SCN10A: variants seen among roughly 807,000 people sequenced by gnomAD.
The protein encoded by SCN10A is sodium voltage-gated channel alpha subunit 10.
In SCN10A, 162 loss-of-function variants were observed where a neutral mutation model predicts 170.7. The observed-to-expected ratio is 0.95, with a 90% CI of 0.84 to 1.08. SCN10A has a LOEUF of 1.08. Among genes scored for constraint, SCN10A ranks in the 50% least tolerant of loss-of-function variants. The pLI is 0.00. For synonymous variants in SCN10A, 985 were observed against 904.6 expected (o/e 1.09, Z -1.59); for missense variants, 2,527 against 2,436.9 (o/e 1.04, Z -0.78).
chr3:38,733,614 C>T (rs2063531671), intron 15 of SCN10A, among the ~76,000 whole-genome samples: 1 of 152,158 alleles, frequency 6.6e-6, no homozygotes. Context: ...CTCCTGGGCT[C>T]AAGTCATCCT....
intron 15 of SCN10A, among the ~76,000 whole-genome samples, chr3:38,730,402 T>C (rs1039743247): frequency 5.3e-5 from 8 of 152,218 alleles, no homozygotes; most frequent in Admixed American, 2.6e-4. Context: ...CAAATACCTC[T>C]GGAGGAACCT....
At chr3:38,722,550 G>A in intron 19 of SCN10A, 138 bp from the exon 20 acceptor site, 2 of 910,244 alleles carry the variant, frequency 2.2e-6, no homozygotes, top group Non-Finnish European at 3.4e-6. Flanking sequence ...TGGAATATGG[G>A]TGAAGAGGGG....
intron 1 of SCN10A, among the ~76,000 whole-genome samples, chr3:38,798,054 A>G (rs534308284): frequency 1.2e-3 from 177 of 152,278 alleles, no homozygotes; most frequent in Non-Finnish European, 2.0e-3. Context: ...CTATATTCCC[A>G]TCTATTACCC....
At chr3:38,800,099 T>A (rs575769682) in intron 1 of SCN10A, among the ~76,000 whole-genome samples, 2 of 152,254 alleles carry the variant, frequency 1.3e-5, no homozygotes, top group South Asian at 4.2e-4. Flanking sequence ...CACAGATGGG[T>A]AAAGCAGTAT....
chr3:38,760,901 G>C (rs1351376754), intron 7 of SCN10A, among the ~76,000 whole-genome samples, 154 bp from the exon 8 acceptor site: 1 of 152,184 alleles, frequency 6.6e-6, no homozygotes, highest in African/African-American at 2.4e-5. Context: ...AAGTTGTAAA[G>C]TCACATCTGA....
chr3:38,719,640 G>A (rs576102011), intron 20 of SCN10A, among the ~76,000 whole-genome samples: 81 of 152,096 alleles, frequency 5.3e-4, no homozygotes, highest in African/African-American at 1.8e-3. Context: ...TGATCCGCCC[G>A]CCTCAGCCTC....
chr3:38,719,709 G>A (rs2063370519), intron 20 of SCN10A, among the ~76,000 whole-genome samples: 2 of 152,232 alleles, frequency 1.3e-5, no homozygotes, highest in South Asian at 4.2e-4. Flanking sequence ...ACAAGTGACT[G>A]GCAGGAGTGA....
At chr3:38,797,540 T>C (rs1335100214) in intron 1 of SCN10A, among the ~76,000 whole-genome samples, 1 of 152,238 alleles carries the variant, frequency 6.6e-6, no homozygotes, top group Non-Finnish European at 1.5e-5. Context: ...GTTCTATGTG[T>C]TGTGTGCCCA....
chr3:38,746,196 A>C (rs1404184744), intron 13 of SCN10A, among the ~76,000 whole-genome samples: 1 of 149,976 alleles, frequency 6.7e-6, no homozygotes, highest in African/African-American at 2.5e-5. Flanking sequence ...CCTGAAACCC[A>C]ATATATCCCA....
chr3:38,788,809 C>A (rs978582357), intron 4 of SCN10A, 147 bp downstream of exon 4: 1 of 580,964 alleles, frequency 1.7e-6, no homozygotes, highest in South Asian at 2.5e-5. Context: ...GAAGGAGAGA[C>A]CTGGTTATTA....
rs547679346 is a variant in SCN10A at position 38,718,884 on chromosome 3, C to CA, written c.3508-59dup. On this transcript the variant is annotated intron_variant, in intron 20 of 27. Coordinates refer to ENST00000449082, the MANE Select transcript of SCN10A (RefSeq NM_006514.4). ...TGCCTGGACCCACAGCACTGGGGCC[C>CA]AGACTGATAGGGAAGGACCCAGCCA... 9.0e-4 allele frequency: 1,388 copies of CA among 1,549,114 alleles called. 9 individuals are homozygous for CA. The highest frequency in any genetic ancestry group is 6.1e-3 in the South Asian group (514 of 84,896).
At chr3:38,719,899 T>C (rs1208108979) in intron 20 of SCN10A, among the ~76,000 whole-genome samples, 1 of 152,220 alleles carries the variant, frequency 6.6e-6, no homozygotes, top group Admixed American at 6.5e-5. Flanking sequence ...CGGCTGCTAA[T>C]AGTTCATGGA....
chr3:38,702,379 T>C (rs980448929), intron 26 of SCN10A, among the ~76,000 whole-genome samples: 4 of 152,324 alleles, frequency 2.6e-5, no homozygotes, highest in Middle Eastern at 3.4e-3. Flanking sequence ...TGCCCTCCTA[T>C]CTCCTCTCTT....
rs576503650 is a variant in SCN10A, at chr3:38,742,371, C to T, written c.2026G>A (p.Val676Met). The change falls in exon 14 of 28, where the codon GTG (valine) becomes ATG (methionine). Residue 676 changes from valine to methionine, a missense_variant. Coordinates refer to ENST00000449082, the MANE Select transcript of SCN10A (RefSeq NM_006514.4). The part of the protein sequence containing the change: ...FAELTITLCI[V>M]VNTIFMAMEH... ...ATGGCCATGAAGATGGTGTTCACCA[C>T]GATGCACAAGGTGATGGTGAGCTCT... 4.5e-5 allele frequency: 72 copies of T among 1,614,130 alleles called. No individual in the cohort carries two copies. The highest frequency in any genetic ancestry group is 3.8e-4 in the South Asian group (35 of 91,076).
At chr3:38,809,212 C>T (rs1246246118) in intron 1 of SCN10A, among the ~76,000 whole-genome samples, 2 of 152,184 alleles carry the variant, frequency 1.3e-5, no homozygotes, top group East Asian at 3.8e-4. Context: ...AAGTATTTCT[C>T]CCAAATGTGA....
chr3:38,740,055 C>T (rs779981593), intron 14 of SCN10A, among the ~76,000 whole-genome samples: 3 of 152,098 alleles, frequency 2.0e-5, no homozygotes, highest in Non-Finnish European at 4.4e-5. Context: ...GATTAAAATC[C>T]CAGCCCAGAC....
intron 1 of SCN10A, among the ~76,000 whole-genome samples, chr3:38,806,797 C>T (rs1477597330): frequency 7.1e-6 from 1 of 140,408 alleles, no homozygotes; most frequent in Admixed American, 7.0e-5. Context: ...ACAAAACAAA[C>T]ATGTGAGATC....
intron 1 of SCN10A, among the ~76,000 whole-genome samples, chr3:38,814,829 A>C (rs529650036): frequency 5.1e-4 from 78 of 152,182 alleles, no homozygotes; most frequent in Non-Finnish European, 9.6e-4. Flanking sequence ...TCAAACCAAA[A>C]ATTTCCACCA....
intron 13 of SCN10A, among the ~76,000 whole-genome samples, chr3:38,748,058 A>G (rs934085770): frequency 6.6e-6 from 1 of 152,234 alleles, no homozygotes; most frequent in African/African-American, 2.4e-5. Context: ...ATAAGAGAAT[A>G]AATGAAAGAA....
Sources: allele counts gnomAD v4.1 joint callset (sites outside exome capture counted in the v4.1 genomes callset), GRCh38; gene constraint gnomAD v4.1.1; transcripts MANE v1.5; gene names NCBI Gene and HGNC (gene_info 2026-07-23, HGNC 2026-07-21).